Variants in NTM observed in about 807,000 individuals in gnomAD.
NTM encodes IgLON family member 2.
NTM carries 13 observed loss-of-function variants against 42.1 expected under a neutral mutation model. The ratio of observed to expected loss-of-function variants is 0.31; its 90% CI spans 0.20 to 0.49. NTM has a LOEUF of 0.49. Among genes scored for constraint, NTM ranks in the 20% least tolerant of loss-of-function variants. NTM has a pLI of 0.99. For missense variants in NTM, 373 were observed against 452.8 expected, an observed-to-expected ratio of 0.82 and a Z score of 1.60; for synonymous variants, 187 against 179.2, an observed-to-expected ratio of 1.04 and a Z score of -0.35.
At chr11:131,974,419 G>T (rs1418726131) in intron 2 of NTM, among the ~76,000 whole-genome samples, 2 of 152,094 alleles carry the variant, frequency 1.3e-5, no homozygotes, top group Non-Finnish European at 2.9e-5. Flanking sequence ...CAGAATATTT[G>T]TCCTATAGAC....
chr11:131,500,668 C>T (rs1167952200), intron 1 of NTM, among the ~76,000 whole-genome samples: 2 of 148,968 alleles, frequency 1.3e-5, no homozygotes, highest in Non-Finnish European at 3.0e-5. Flanking sequence ...ATGCACCATG[C>T]TGGTGTGCTG....
chr11:131,569,138 T>C (rs935400042), intron 1 of NTM, among the ~76,000 whole-genome samples: 1 of 148,798 alleles, frequency 6.7e-6, no homozygotes, highest in Non-Finnish European at 1.5e-5. Flanking sequence ...GTTTTTGTTT[T>C]CGTTTTCATT....
chr11:131,372,913 TG>T (rs1941416077), intron 1 of NTM, among the ~76,000 whole-genome samples: 1 of 152,184 alleles, frequency 6.6e-6, no homozygotes, highest in African/African-American at 2.4e-5. Flanking sequence ...CATCTGACTT[TG>T]TGGTCTTGTT....
intron 2 of NTM, among the ~76,000 whole-genome samples, chr11:132,104,085 T>C (rs932634690): frequency 4.6e-5 from 7 of 152,190 alleles, no homozygotes; most frequent in Admixed American, 1.3e-4. Context: ...TTTTCGTTGT[T>C]GTTGTTCTAT....
At chr11:131,603,687 A>T (rs1302759951) in intron 1 of NTM, among the ~76,000 whole-genome samples, 1 of 152,186 alleles carries the variant, frequency 6.6e-6, no homozygotes, top group East Asian at 1.9e-4. Context: ...CACTCTTGAC[A>T]TTGTCCCGTA....
chr11:131,923,742 T>C (rs1225766243), intron 2 of NTM, among the ~76,000 whole-genome samples: 1 of 152,236 alleles, frequency 6.6e-6, no homozygotes, highest in Admixed American at 6.5e-5. Flanking sequence ...GTTTCACGCG[T>C]CATTCAATGT....
chr11:132,261,510 T>A (rs180754150), intron 4 of NTM, among the ~76,000 whole-genome samples: 24 of 152,308 alleles, frequency 1.6e-4, no homozygotes, highest in Admixed American at 3.3e-4. Flanking sequence ...AGAGGAAAGA[T>A]CCTGGTCTTC....
chr11:132,107,339 CTTTTTTT>C (rs780844735), intron 2 of NTM, among the ~76,000 whole-genome samples: 15 of 88,864 alleles, frequency 1.7e-4, no homozygotes, highest in African/African-American at 3.0e-4. Flanking sequence ...AAGATTTATC[CTTTTTTT>C]TTTTTTTTTT....
At chr11:132,193,144 T>C (rs761634005) in intron 3 of NTM, among the ~76,000 whole-genome samples, 12 of 152,028 alleles carry the variant, frequency 7.9e-5, no homozygotes, top group Non-Finnish European at 1.5e-4. Context: ...ACTTGACCGG[T>C]TGAATTTAAT....
At chr11:131,738,041 A>G (rs1444623392) in intron 1 of NTM, among the ~76,000 whole-genome samples, 1 of 152,180 alleles carries the variant, frequency 6.6e-6, no homozygotes, top group Admixed American at 6.5e-5. Flanking sequence ...CTTAGTTTTC[A>G]GTGGCTTTTT....
chr11:131,543,787 A>G (rs1469542679), intron 1 of NTM, among the ~76,000 whole-genome samples: 1 of 152,238 alleles, frequency 6.6e-6, no homozygotes, highest in Non-Finnish European at 1.5e-5. Flanking sequence ...TTGGTAAACG[A>G]GTCCCAGTCT....
At chr11:131,818,046 C>T (rs375684590) in intron 1 of NTM, among the ~76,000 whole-genome samples, 9 of 152,194 alleles carry the variant, frequency 5.9e-5, no homozygotes, top group African/African-American at 1.9e-4. Flanking sequence ...ACAGTACACA[C>T]TTGACACACA....
chr11:131,854,534 G>A (rs1820322390), intron 1 of NTM, among the ~76,000 whole-genome samples: 2 of 152,178 alleles, frequency 1.3e-5, no homozygotes, highest in African/African-American at 4.8e-5. Flanking sequence ...CTACACCAAG[G>A]AAGCATCAAG....
chr11:132,211,856 A>G, intron 3 of NTM, 166 bp from the exon 4 acceptor site: 1 of 534,084 alleles, frequency 1.9e-6, no homozygotes. Flanking sequence ...AAGCTAAATT[A>G]AAGGTAAGAC....
chr11:131,431,803 T>C (rs983312021), intron 1 of NTM, among the ~76,000 whole-genome samples: 1 of 152,092 alleles, frequency 6.6e-6, no homozygotes, highest in African/African-American at 2.4e-5. Flanking sequence ...TCACAGCCAC[T>C]GGGTGAGGGT....
At chr11:131,410,517 C>CAAAAAAAAA (rs1161389222) in intron 1 of NTM, among the ~76,000 whole-genome samples, 12 of 32,764 alleles carry the variant, frequency 3.7e-4, no homozygotes, top group Non-Finnish European at 5.0e-4. Flanking sequence ...AAACAATAAC[C>CAAAAAAAAA]AAAAAAAAAA....
intron 1 of NTM, among the ~76,000 whole-genome samples, chr11:131,888,601 G>A (rs1310538656): frequency 6.6e-6 from 1 of 152,014 alleles, no homozygotes; most frequent in African/African-American, 2.4e-5. Context: ...CCACTTCCTT[G>A]TCGCAGATGT....
chr11:131,431,284 G>A (rs1037950311), intron 1 of NTM, among the ~76,000 whole-genome samples: 2 of 152,094 alleles, frequency 1.3e-5, no homozygotes, highest in Non-Finnish European at 2.9e-5. Context: ...ACATTGTGAG[G>A]GCTGCTTTTC....
chr11:132,272,829 C>A (rs564188499), intron 4 of NTM, among the ~76,000 whole-genome samples: 2 of 152,092 alleles, frequency 1.3e-5, no homozygotes, highest in Non-Finnish European at 2.9e-5. Flanking sequence ...AGATTTACTT[C>A]CTTCCTCCAG....
Sources: allele counts gnomAD v4.1 joint callset (sites outside exome capture counted in the v4.1 genomes callset), GRCh38; gene constraint gnomAD v4.1.1; transcripts MANE v1.5; gene names NCBI Gene and HGNC (gene_info 2026-07-23, HGNC 2026-07-21).